The following STYXL1 variants were observed in gnomAD, a reference collection of about 807,000 sequenced individuals.
STYXL1 encodes the protein serine/threonine/tyrosine interacting like 1, also known as serine/threonine/tyrosine-interacting-like protein 1.
A neutral mutation model predicts 36.4 loss-of-function variants in STYXL1; 32 were observed. The ratio of observed to expected loss-of-function variants is 0.88; its 90% CI spans 0.66 to 1.18. The LOEUF (loss-of-function observed/expected upper bound fraction) is 1.18. Among genes scored for constraint, STYXL1 ranks in the 50% most tolerant of loss-of-function variants. The probability of loss-of-function intolerance (pLI) is 0.00; values close to 1 mark genes in which losing one functional copy is unlikely to be tolerated. For synonymous variants in STYXL1, 133 were observed against 144.1 expected (o/e 0.92, Z 0.55); for missense variants, 354 against 394.1 (o/e 0.90, Z 0.86).
At chr7:76,027,585 C>G (rs1450382053) in intron 3 of STYXL1, among the ~76,000 whole-genome samples, 7 of 151,834 alleles carry the variant, frequency 4.6e-5, no homozygotes, top group African/African-American at 1.7e-4. Context: ...TGCACCCCTG[C>G]CCGGGTGACA....
chr7:76,010,685 G>A (rs1026097963), intron 5 of STYXL1, among the ~76,000 whole-genome samples: 1 of 152,128 alleles, frequency 6.6e-6, no homozygotes, highest in Admixed American at 6.6e-5. Context: ...CACACAGACA[G>A]GTCCACTCTG....
In STYXL1 at chr7:76,039,953, G is replaced by A. The variant is rs369475070; in HGVS notation, c.-5+7709C>T. ...TTAGCCACGGCGCCTGGCCTCCATC[G>A]CTAGTACCTCTATATTTTAGGGAGA... On this transcript the variant is annotated intron_variant, in intron 1 of 8. Transcript: ENST00000359697. Among the ~76,000 whole-genome samples, 66 of 152,158 alleles carry A rather than the reference G, an allele frequency of 4.3e-4. 1 individual carries two copies. The South Asian group carries it at 0.012, about 29-fold the overall frequency.
intron 5 of STYXL1, among the ~76,000 whole-genome samples, chr7:76,006,551 C>T (rs1554570449): frequency 6.6e-6 from 1 of 152,064 alleles, no homozygotes; most frequent in Non-Finnish European, 1.5e-5. Context: ...ATCACGAGGT[C>T]AGGAGATCGA....
chr7:76,046,114 C>T (rs1457448964), intron 1 of STYXL1, among the ~76,000 whole-genome samples: 1 of 151,732 alleles, frequency 6.6e-6, no homozygotes, highest in African/African-American at 2.4e-5. Context: ...GGCCTTTTTT[C>T]TCCTCCTTTC....
intron 4 of STYXL1, among the ~76,000 whole-genome samples, chr7:76,018,565 A>G (rs1554574757): frequency 2.0e-5 from 3 of 151,954 alleles, no homozygotes; most frequent in African/African-American, 7.3e-5. Flanking sequence ...TAATTTTTGT[A>G]TTTTTAATAG....
At chr7:76,025,570 A>G (rs895432186) in intron 3 of STYXL1, among the ~76,000 whole-genome samples, 4 of 152,074 alleles carry the variant, frequency 2.6e-5, no homozygotes, top group African/African-American at 9.6e-5. Context: ...CGGGTGGATC[A>G]CCTGAGGTCA....
chr7:76,033,135 G>A (rs1357273969), intron 1 of STYXL1, among the ~76,000 whole-genome samples: 2 of 152,060 alleles, frequency 1.3e-5, no homozygotes, highest in African/African-American at 4.8e-5. Context: ...GGAGCTTCCT[G>A]TAGGAAGGCT....
At chr7:76,020,456 G>A (rs559648412) in intron 4 of STYXL1, among the ~76,000 whole-genome samples, 1 of 152,286 alleles carries the variant, frequency 6.6e-6, no homozygotes, top group South Asian at 2.1e-4. Flanking sequence ...AGCCTCAGAG[G>A]TTCGATGGAG....
At chr7:76,017,891 GAAGAAAA>G (rs1324475311) in intron 4 of STYXL1, among the ~76,000 whole-genome samples, 3 of 44,104 alleles carry the variant, frequency 6.8e-5, no homozygotes, top group Non-Finnish European at 1.6e-4. Flanking sequence ...AGGCAAGACA[GAAGAAAA>G]AAGAAAAACT....
At chr7:76,012,293 G>T (rs1792654897) in intron 5 of STYXL1, among the ~76,000 whole-genome samples, 2 of 151,492 alleles carry the variant, frequency 1.3e-5, no homozygotes, top group Admixed American at 1.3e-4. Context: ...TGTTTTTTTT[G>T]GAGACAGGGT....
At chr7:76,012,924 C>T (rs1792742933) in intron 5 of STYXL1, among the ~76,000 whole-genome samples, 1 of 152,154 alleles carries the variant, frequency 6.6e-6, no homozygotes, top group South Asian at 2.1e-4. Context: ...GGTCTCGAGC[C>T]GCCATGCCCC....
intron 5 of STYXL1, among the ~76,000 whole-genome samples, chr7:76,013,024 G>T (rs1156748180): frequency 1.2e-4 from 19 of 152,184 alleles, no homozygotes; most frequent in Non-Finnish European, 7.3e-5. Flanking sequence ...ACAGCCATCA[G>T]TTCCTTATAA....
rs1204075409 is a variant in STYXL1, at chr7:76,047,856, C to T, written c.-199G>A. ...AAGGCGCTTCCAGCCTAAAGCCCGT[C>T]CTCTTCCACCTCTTGGGTGCAGACT... On this transcript the variant is annotated 5_prime_UTR_variant, in exon 1 of 9. Coordinates refer to ENST00000359697, the MANE Select transcript of STYXL1 (RefSeq NM_001317785.2). 3.1e-6 allele frequency: 4 copies of T among 1,298,720 alleles called. No homozygotes were observed. Among genetic ancestry groups the T allele is most frequent in the Non-Finnish European group, 4.0e-6 (4 of 1,002,710 alleles). 80.4% of individuals were successfully genotyped at this position (1,298,720 alleles called of 1,614,324 possible). A position where few individuals can be genotyped will look rare whatever the true frequency, so the allele number is the denominator to read the frequency against.
chr7:76,037,987 C>T (rs565795453), intron 1 of STYXL1, among the ~76,000 whole-genome samples: 2 of 150,274 alleles, frequency 1.3e-5, no homozygotes, highest in Non-Finnish European at 3.0e-5. Context: ...GCTATAGGAT[C>T]ATTCAAGAGC....
chr7:76,046,875 TCCTGGCCTCAAGTGATCGGC>T (rs1180111283), intron 1 of STYXL1, among the ~76,000 whole-genome samples: 2 of 151,286 alleles, frequency 1.3e-5, no homozygotes, highest in East Asian at 2.0e-4. Flanking sequence ...GGTCATGAAC[TCCTGGCCTCAAGTGATCGGC>T]CCGCCTCAGC....
intron 4 of STYXL1, among the ~76,000 whole-genome samples, chr7:76,018,749 T>A (rs1793695125): frequency 6.6e-6 from 1 of 152,218 alleles, no homozygotes; most frequent in Non-Finnish European, 1.5e-5. Flanking sequence ...CACATTCTGT[T>A]CTACCTGTTT....
intron 2 of STYXL1, among the ~76,000 whole-genome samples, chr7:76,029,905 C>A (rs1554578738): frequency 1.3e-5 from 2 of 152,174 alleles, no homozygotes; most frequent in Non-Finnish European, 2.9e-5. Flanking sequence ...TTCTGCTTCA[C>A]CTGCTCACCT....
intron 1 of STYXL1, among the ~76,000 whole-genome samples, chr7:76,046,274 C>CTCTGTGTGTGTG (rs1451331977): frequency 9.7e-6 from 1 of 103,162 alleles, no homozygotes; most frequent in African/African-American, 4.4e-5. Context: ...AGCTTATCTG[C>CTCTGTGTGTGTG]TGTGTGTGTG....
chr7:76,026,442 G>C (rs1343878386), intron 3 of STYXL1, among the ~76,000 whole-genome samples: 2 of 151,882 alleles, frequency 1.3e-5, no homozygotes, highest in African/African-American at 4.8e-5. Context: ...ACCACACTGA[G>C]TTAATTTTTC....
Sources: allele counts gnomAD v4.1 joint callset (sites outside exome capture counted in the v4.1 genomes callset), GRCh38; gene constraint gnomAD v4.1.1; transcripts MANE v1.5; gene names NCBI Gene and HGNC (gene_info 2026-07-23, HGNC 2026-07-21).